Variants in RNF115 observed in about 807,000 individuals in gnomAD.
RNF115 encodes E3 ubiquitin-protein ligase RNF115.
In RNF115, 31 loss-of-function variants were observed where a neutral mutation model predicts 39.2. That is an observed-to-expected ratio of 0.79 (90% CI 0.59 to 1.07). The LOEUF is 1.07. RNF115 is among the 50% of genes least tolerant of loss of function. RNF115 has a pLI of 0.00. For synonymous variants in RNF115, 124 were observed against 131.0 expected (o/e 0.95, Z 0.37); for missense variants, 384 against 381.7 (o/e 1.01, Z -0.05).
intron 4 of RNF115, among the ~76,000 whole-genome samples, chr1:145,769,915 G>A (rs1647558815): frequency 6.6e-6 from 1 of 152,068 alleles, no homozygotes; most frequent in South Asian, 2.1e-4. Flanking sequence ...GCTGAAGTGG[G>A]AGGATTGCTT....
At chr1:145,767,955 AGAGAG>A (rs1647442643) in intron 4 of RNF115, among the ~76,000 whole-genome samples, 2 of 152,030 alleles carry the variant, frequency 1.3e-5, no homozygotes, top group African/African-American at 2.4e-5. Flanking sequence ...CATCAGAGAC[AGAGAG>A]AGACCATGGC....
chr1:145,784,467 A>G (rs2101559598), intron 3 of RNF115, 72 bp downstream of exon 3: 2 of 1,314,154 alleles, frequency 1.5e-6, no homozygotes. Context: ...CCACACTGGA[A>G]AGTTAGTATC....
intron 1 of RNF115, among the ~76,000 whole-genome samples, chr1:145,822,331 AAAG>A (rs1553724519): frequency 1.3e-5 from 2 of 150,082 alleles, no homozygotes; most frequent in East Asian, 3.9e-4. Flanking sequence ...AAAAAAGAAA[AAAG>A]AAAAACAGCT....
intron 3 of RNF115, among the ~76,000 whole-genome samples, chr1:145,777,829 C>A (rs1647952550): frequency 6.6e-6 from 1 of 152,114 alleles, no homozygotes; most frequent in African/African-American, 2.4e-5. Flanking sequence ...ACTATTTACA[C>A]ATTCAAAATA....
At chr1:145,776,093 G>GGC (rs1434673046) in intron 3 of RNF115, among the ~76,000 whole-genome samples, 2 of 150,562 alleles carry the variant, frequency 1.3e-5, no homozygotes, top group Non-Finnish European at 3.0e-5. Flanking sequence ...CAGGGTAAGG[G>GGC]GGGGGCTACT....
intron 3 of RNF115, among the ~76,000 whole-genome samples, chr1:145,778,768 T>A (rs1647991066): frequency 6.6e-6 from 1 of 152,236 alleles, no homozygotes; most frequent in Non-Finnish European, 1.5e-5. Flanking sequence ...TGTATGTACT[T>A]TTCAACAGAG....
chr1:145,764,541 A>T (rs1658674551), intron 4 of RNF115, among the ~76,000 whole-genome samples: 2 of 149,758 alleles, frequency 1.3e-5, no homozygotes, highest in African/African-American at 5.0e-5. Context: ...CCCGTCTGAG[A>T]AGTGAGGAGC....
intron 4 of RNF115, among the ~76,000 whole-genome samples, chr1:145,767,238 G>A (rs868976124): frequency 7.0e-6 from 1 of 143,292 alleles, no homozygotes; most frequent in African/African-American, 2.6e-5. Context: ...CGGGCGGAGG[G>A]GCTCCTCACT....
At chr1:145,748,337 T>C (rs1479399572) in intron 7 of RNF115, among the ~76,000 whole-genome samples, 1 of 152,158 alleles carries the variant, frequency 6.6e-6, no homozygotes, top group East Asian at 1.9e-4. Flanking sequence ...GAATGGGGCC[T>C]ACTCCAAAAA....
rs1647876456 is a variant in RNF115 at position 145,776,163 on chromosome 1, C to CTT, written c.220-4245_220-4244insAA. On this transcript the variant is annotated intron_variant, in intron 3 of 8. Transcript: ENST00000582693. ...TTACATTTACCCCTACTCTGACCAA[C>CTT]ATTTTTTTTTTTTTTTTTTGAGAAG... Among the ~76,000 whole-genome samples, 12 of 104,018 alleles carry CTT rather than the reference C, an allele frequency of 1.2e-4. 1 individual carries two copies. Among genetic ancestry groups the CTT allele is most frequent in the South Asian group, 3.3e-4 (1 of 2,992 alleles). The allele number at this position is 104,018 out of a possible 152,430, so 68.2% of individuals were successfully genotyped here.
intron 3 of RNF115, among the ~76,000 whole-genome samples, chr1:145,783,778 G>A (rs587644487): frequency 4.0e-5 from 6 of 151,414 alleles, no homozygotes; most frequent in South Asian, 4.2e-4. Context: ...AAAACAAAGA[G>A]TATTAATGCC....
intron 2 of RNF115, among the ~76,000 whole-genome samples, chr1:145,787,887 C>CA (rs1399948486): frequency 1.0e-3 from 137 of 135,476 alleles, no homozygotes; most frequent in African/African-American, 1.8e-3. Flanking sequence ...GACTCTGTCT[C>CA]AAAAAAAAAA....
intron 5 of RNF115, among the ~76,000 whole-genome samples, chr1:145,752,597 T>TTTTTTTTTTTC (rs1658133094): frequency 2.8e-5 from 4 of 141,748 alleles, no homozygotes; most frequent in African/African-American, 8.3e-5. Context: ...TTTTTTTTTT[T>TTTTTTTTTTTC]TTTTTTTTTG....
intron 1 of RNF115, among the ~76,000 whole-genome samples, chr1:145,797,863 C>A (rs1483877117): frequency 1.3e-5 from 2 of 152,120 alleles, no homozygotes; most frequent in Non-Finnish European, 2.9e-5. Context: ...GGTGATATCT[C>A]ATTGTGGTTT....
intron 2 of RNF115, chr1:145,787,011 C>T (rs1648410576): frequency 1.6e-6 from 2 of 1,237,676 alleles, no homozygotes; most frequent in Admixed American, 2.3e-5. Context: ...ATAGTACATA[C>T]TGTAAAATGT....
At chr1:145,788,631 G>T (rs1003640882) in intron 2 of RNF115, 10 of 555,456 alleles carry the variant, frequency 1.8e-5, no homozygotes, top group Non-Finnish European at 3.1e-5. Context: ...TCTGACATGC[G>T]TACAGATGTA....
rs1424462264 is a variant in RNF115, at chr1:145,745,772, T to C, written c.*1094A>G. On this transcript the variant is annotated 3_prime_UTR_variant, in exon 9 of 9. Coordinates refer to ENST00000582693, the MANE Select transcript of RNF115 (RefSeq NM_014455.4). ...GCCCAGCGGTAATCATTTTTTAAAA[T>C]CTCAGAAGCAAAGGTCTCAAACATC... The C allele has an allele frequency of 6.6e-6, 1 of 151,266 alleles. No individual in the cohort carries two copies. The highest frequency in any genetic ancestry group is 1.5e-5 in the Non-Finnish European group (1 of 67,874). The allele number at this position is 151,266 out of a possible 1,614,324, so 9.4% of individuals were successfully genotyped here.
intron 1 of RNF115, among the ~76,000 whole-genome samples, chr1:145,803,011 ATCC>A (rs1182270774): frequency 1.3e-5 from 2 of 152,146 alleles, no homozygotes; most frequent in Admixed American, 1.3e-4. Flanking sequence ...TTCCACCATT[ATCC>A]TCAAGGTCTC....
At position 145,753,060 on chromosome 1, in the gene RNF115, A is replaced by C. The variant is rs1553712737; in HGVS notation, c.429-11T>G. ...ATGTGTTGTAGTATTCTGTTACAGAAGAAAAAATTAGATAAGACAACAGAC... is the reference window on the plus strand; with the variant it reads ...ATGTGTTGTAGTATTCTGTTACAGACGAAAAAATTAGATAAGACAACAGAC... On this transcript the variant is annotated splice_polypyrimidine_tract_variant and intron_variant, in intron 4 of 8. Transcript: ENST00000582693. The C allele has an allele frequency of 1.9e-6, 3 of 1,563,366 alleles. No homozygotes were observed. The highest frequency in any genetic ancestry group is 2.6e-6 in the Non-Finnish European group (3 of 1,135,206).
Sources: gnomAD v4.1 joint callset for allele counts (sites outside exome capture counted in the v4.1 genomes callset) on GRCh38, gnomAD v4.1.1 for gene constraint, MANE v1.5 for transcripts, NCBI Gene and HGNC (gene_info 2026-07-23, HGNC 2026-07-21) for gene names.